Variants in TBC1D12 observed in about 807,000 individuals in gnomAD.
TBC1D12 encodes TBC1 domain family, member 12.
Under a neutral mutation model 86.7 loss-of-function variants are expected in TBC1D12, and 56 were observed. That is an observed-to-expected ratio of 0.65 (90% CI 0.52 to 0.81). TBC1D12 has a LOEUF of 0.81. TBC1D12 is among the 30% of genes least tolerant of loss of function. The pLI is 0.00. For synonymous variants in TBC1D12, 421 were observed against 411.7 expected, an observed-to-expected ratio of 1.02 and a Z score of -0.27; for missense variants, 1,023 against 1,038.8, an observed-to-expected ratio of 0.98 and a Z score of 0.21.
Position 94,507,706 on chromosome 10 carries a change from G to C in TBC1D12, c.1600+359G>C, listed in dbSNP as rs181935904. 5.6e-4 allele frequency among the ~76,000 whole-genome samples: 85 copies of C among 152,204 alleles called. No homozygotes were observed. The East Asian group carries it at 0.011, about 20-fold the overall frequency. On this transcript the variant is annotated intron_variant, in intron 7 of 12. Coordinates refer to ENST00000225235, the MANE Select transcript of TBC1D12 (RefSeq NM_015188.2). Reference sequence around the variant, plus strand: ...TATTTTTTCAATAATAAATGGTGAGGCTGGGCGGATGGCTCACACCTGTAA... The same window carrying C: ...TATTTTTTCAATAATAAATGGTGAGCCTGGGCGGATGGCTCACACCTGTAA...
Position 94,438,765 on chromosome 10 carries a change from A to T in TBC1D12, c.972-3131A>T, listed in dbSNP as rs115412100. 7.6e-3 allele frequency among the ~76,000 whole-genome samples: 1,156 copies of T among 152,026 alleles called. 16 individuals are homozygous for T. The highest frequency in any genetic ancestry group is 0.027 in the African/African-American group (1,105 of 41,444). ...GGGTTTGGTCAGTTCCTAGAGTTCT[A>T]CTAAAGTACTTGATTCCAGTTACTC... On this transcript the variant is annotated intron_variant, in intron 1 of 12. Transcript: ENST00000225235.
chr10:94,475,744 C>G (rs538559023), intron 3 of TBC1D12, among the ~76,000 whole-genome samples: 9 of 152,292 alleles, frequency 5.9e-5, no homozygotes, highest in African/African-American at 2.2e-4. Context: ...CCTAAGAGTA[C>G]ATTCTTAATG....
At chr10:94,486,673 A>AT (rs1377630863) in intron 3 of TBC1D12, among the ~76,000 whole-genome samples, 1 of 152,052 alleles carries the variant, frequency 6.6e-6, no homozygotes, top group Non-Finnish European at 1.5e-5. Flanking sequence ...GATGCTTGAT[A>AT]TTATCTCATT....
chr10:94,511,614 T>C lies in TBC1D12; in HGVS notation c.1721T>C (p.Ile574Thr). 6.2e-7 allele frequency: 1 copy of C among 1,613,174 alleles called. No individual in the cohort carries two copies. Among genetic ancestry groups the C allele is most frequent in the Non-Finnish European group, 8.5e-7 (1 of 1,179,362 alleles). The change falls in exon 9 of 13, where the codon ATT becomes ACT. Residue 574 changes from isoleucine to threonine, a missense_variant. By Grantham distance (89) the Ile-to-Thr change is moderately conservative. Around this residue, in one of 2 missense-constraint regions of TBC1D12, gnomAD observed 395 missense variants for 507.7 expected, o/e 0.78. Coordinates refer to ENST00000225235, the MANE Select transcript of TBC1D12 (RefSeq NM_015188.2). ...GGPYHDVLHS[I>T]LGAYTCYRPD... Reference sequence around the variant, plus strand: ...CCATATCATGATGTCTTGCATAGTATTTTAGGGGCATACACATGCTACAGG... The same window carrying C: ...CCATATCATGATGTCTTGCATAGTACTTTAGGGGCATACACATGCTACAGG...
At chr10:94,495,212 C>T (rs1049785561) in intron 4 of TBC1D12, among the ~76,000 whole-genome samples, 7 of 151,830 alleles carry the variant, frequency 4.6e-5, no homozygotes, top group Admixed American at 3.3e-4. Context: ...TTAATGGAGA[C>T]GGGGTTTTGC....
chr10:94,528,544 G>C (rs915275928), intron 11 of TBC1D12, among the ~76,000 whole-genome samples: 2 of 152,124 alleles, frequency 1.3e-5, no homozygotes, highest in African/African-American at 4.8e-5. Flanking sequence ...GAATACACAT[G>C]GGTGCAGAGG....
At chr10:94,460,905 GT>G (rs1188787395) in intron 2 of TBC1D12, among the ~76,000 whole-genome samples, 2 of 151,780 alleles carry the variant, frequency 1.3e-5, no homozygotes, top group Admixed American at 6.6e-5. Context: ...TTCTGTTCCA[GT>G]TTTTTTAATC....
chr10:94,493,298 A>G, intron 3 of TBC1D12, 67 bp from the exon 4 acceptor site: 1 of 1,278,520 alleles, frequency 7.8e-7, no homozygotes, highest in Non-Finnish European at 1.1e-6. Context: ...TGTAAAAACA[A>G]ATAAGTTAGT....
rs772161280 is a variant in TBC1D12, at chr10:94,402,994, G to T, written c.381G>T (p.Ala127=). 2 of 1,575,480 alleles carry T rather than the reference G, an allele frequency of 1.3e-6. No homozygotes were observed. Among genetic ancestry groups the T allele is most frequent in the African/African-American group, 1.4e-5 (1 of 70,768 alleles). Residue 127 remains alanine (A), a synonymous_variant, in exon 1 of 13, where the codon GCG becomes GCT. Coordinates refer to ENST00000225235, the MANE Select transcript of TBC1D12 (RefSeq NM_015188.2). ...HRGAEVADGR[A]PRHEGMTNGD... The stretch of plus-strand genomic sequence containing the variant: ...GCGCGGAGGTGGCTGATGGCCGCGC[G>T]CCGCGGCACGAAGGCATGACCAACG...
chr10:94,418,147 A>G (rs528947963), intron 1 of TBC1D12, among the ~76,000 whole-genome samples: 1 of 152,256 alleles, frequency 6.6e-6, no homozygotes. Flanking sequence ...TATAGATTAA[A>G]TTGAAGGATA....
intron 2 of TBC1D12, among the ~76,000 whole-genome samples, chr10:94,466,877 A>G (rs147794200): frequency 2.6e-5 from 4 of 152,266 alleles, no homozygotes. Flanking sequence ...ATATTTTGCT[A>G]TCACAATTCC....
chr10:94,500,062 A>G (rs918039455), intron 5 of TBC1D12, among the ~76,000 whole-genome samples, 159 bp from the exon 6 acceptor site: 1 of 152,220 alleles, frequency 6.6e-6, no homozygotes, highest in Non-Finnish European at 1.5e-5. Context: ...GTTGCCTGCA[A>G]GCATGAACGC....
At chr10:94,486,674 T>C (rs1000076260) in intron 3 of TBC1D12, among the ~76,000 whole-genome samples, 7 of 152,192 alleles carry the variant, frequency 4.6e-5, no homozygotes, top group African/African-American at 1.7e-4. Flanking sequence ...ATGCTTGATA[T>C]TATCTCATTT....
In TBC1D12 at chr10:94,403,124, C is replaced by T. The variant is rs916240181; in HGVS notation, c.511C>T (p.Arg171Cys). 2.9e-6 allele frequency: 4 copies of T among 1,389,276 alleles called. No homozygotes were observed. The highest frequency in any genetic ancestry group is 3.1e-5 in the East Asian group (1 of 32,676). The allele number at this position is 1,389,276 out of a possible 1,614,324, so 86.1% of individuals were successfully genotyped here. Residue 171 changes from arginine (R) to cysteine (C), a missense_variant, in exon 1 of 13, where the codon CGC becomes TGC. This residue lies in a region of TBC1D12 where 628 missense variants were observed against 531.1 expected (regional missense o/e 1.18). Coordinates refer to ENST00000225235, the MANE Select transcript of TBC1D12 (RefSeq NM_015188.2). Reference sequence around the variant, plus strand: ...GTCGCGCCGCCGCCGCCCCTACGGCCGCCTTCGCCTGGAGGGGCCTGGCGA... The same window carrying T: ...GTCGCGCCGCCGCCGCCCCTACGGCTGCCTTCGCCTGGAGGGGCCTGGCGA... ...RESRRRRPYG[R>C]LRLEGPGDED... is the part of the protein sequence containing the mutation.
At chr10:94,447,746 T>G in intron 2 of TBC1D12, 1 of 940,782 alleles carries the variant, frequency 1.1e-6, no homozygotes, top group Non-Finnish European at 1.3e-6. Flanking sequence ...TGACCTGAGT[T>G]TTTTGTTTTT....
intron 2 of TBC1D12, among the ~76,000 whole-genome samples, chr10:94,458,141 A>G (rs1461436510): frequency 1.3e-5 from 2 of 152,160 alleles, no homozygotes; most frequent in Non-Finnish European, 2.9e-5. Context: ...GGGGGCCTTT[A>G]AGAGGTGATT....
chr10:94,509,885 A>G (rs1482007868), intron 7 of TBC1D12: 4 of 494,928 alleles, frequency 8.1e-6, no homozygotes, highest in Non-Finnish European at 1.4e-5. Context: ...ATCCTTTACC[A>G]TATAACTTTC....
At chr10:94,531,844 T>TTTATGTTATTTTATA (rs1842437188) in intron 12 of TBC1D12, among the ~76,000 whole-genome samples, 1 of 142,648 alleles carries the variant, frequency 7.0e-6, no homozygotes, top group Non-Finnish European at 1.5e-5. Flanking sequence ...GTTATTTTAT[T>TTTATGTTATTTTATA]TTATGTTATT....
chr10:94,458,113 TG>T (rs2055655960), intron 2 of TBC1D12, among the ~76,000 whole-genome samples: 1 of 152,178 alleles, frequency 6.6e-6, no homozygotes, highest in Admixed American at 6.5e-5. Context: ...CAATCCCCAC[TG>T]TGGCAATATT....
Sources: gnomAD v4.1 joint callset for allele counts (sites outside exome capture counted in the v4.1 genomes callset) on GRCh38, gnomAD v4.1.1 for gene constraint, gnomAD v4.1.1 regional missense constraint, MANE v1.5 for transcripts, NCBI Gene and HGNC (gene_info 2026-07-23, HGNC 2026-07-21) for gene names.